Variants in FOXP1 observed in about 807,000 individuals in gnomAD.
FOXP1 encodes the protein forkhead box protein P1.
FOXP1 carries 15 observed loss-of-function variants against 98.2 expected under a neutral mutation model. The ratio of observed to expected loss-of-function variants is 0.15; its 90% CI spans 0.10 to 0.24. FOXP1 has a LOEUF of 0.24. Ranked by LOEUF, FOXP1 falls within the 10% of genes least tolerant of loss-of-function variation. The probability of loss-of-function intolerance (pLI) is 1.00; values close to 1 mark genes in which losing one functional copy is unlikely to be tolerated. For synonymous variants in FOXP1, 371 were observed against 314.5 expected (o/e 1.18, Z -1.90); for missense variants, 633 against 848.5 (o/e 0.75, Z 3.15).
At chr3:71,477,524 T>C (rs1420588943) in intron 3 of FOXP1, among the ~76,000 whole-genome samples, 1 of 152,228 alleles carries the variant, frequency 6.6e-6, no homozygotes, top group African/African-American at 2.4e-5. Context: ...AAATTTTTGA[T>C]TCAAATAATT....
chr3:71,453,396 T>C (rs750104055), intron 3 of FOXP1, among the ~76,000 whole-genome samples: 4 of 152,180 alleles, frequency 2.6e-5, no homozygotes, highest in African/African-American at 4.8e-5. Flanking sequence ...AGCTGAATGA[T>C]ATATGCACAT....
chr3:71,252,190 G>GA (rs1457936809), intron 5 of FOXP1, among the ~76,000 whole-genome samples: 3 of 152,142 alleles, frequency 2.0e-5, no homozygotes, highest in African/African-American at 7.2e-5. Context: ...AACCATGTAG[G>GA]AAAGTGATGC....
chr3:70,960,600 G>A (rs374681717), intron 20 of FOXP1, among the ~76,000 whole-genome samples: 35 of 152,288 alleles, frequency 2.3e-4, no homozygotes, highest in African/African-American at 7.7e-4. Flanking sequence ...GGCTGCAGAA[G>A]GGAAGATTTT....
chr3:71,311,444 A>G (rs995572795), intron 4 of FOXP1, among the ~76,000 whole-genome samples: 2 of 152,232 alleles, frequency 1.3e-5, no homozygotes, highest in Non-Finnish European at 2.9e-5. Flanking sequence ...GGTGTTCAGT[A>G]AATACAGAAT....
chr3:71,411,515 G>T (rs1297594472), intron 3 of FOXP1, among the ~76,000 whole-genome samples: 1 of 152,054 alleles, frequency 6.6e-6, no homozygotes, highest in East Asian at 1.9e-4. Flanking sequence ...GTAGAGACAG[G>T]GTTTCACCGT....
At chr3:71,080,990 C>A (rs1338831983) in intron 7 of FOXP1, among the ~76,000 whole-genome samples, 1 of 152,186 alleles carries the variant, frequency 6.6e-6, no homozygotes, top group African/African-American at 2.4e-5. Context: ...CCCATTCTAC[C>A]AGCACTTTGT....
intron 2 of FOXP1, among the ~76,000 whole-genome samples, chr3:71,555,423 G>A (rs528112166): frequency 3.9e-5 from 6 of 152,296 alleles, no homozygotes; most frequent in African/African-American, 1.4e-4. Context: ...CACTACAAGA[G>A]AAGACCATGA....
intron 3 of FOXP1, among the ~76,000 whole-genome samples, chr3:71,428,392 T>C (rs1407454672): frequency 1.3e-5 from 2 of 152,270 alleles, no homozygotes; most frequent in African/African-American, 4.8e-5. Flanking sequence ...ACCAAATTAA[T>C]GGGAACAGTA....
At chr3:71,221,718 A>T (rs2065400186) in intron 5 of FOXP1, among the ~76,000 whole-genome samples, 1 of 152,182 alleles carries the variant, frequency 6.6e-6, no homozygotes, top group African/African-American at 2.4e-5. Flanking sequence ...TCTAGTTCCC[A>T]TCCTGCAACC....
At chr3:71,179,776 T>C (rs2062176478) in intron 6 of FOXP1, among the ~76,000 whole-genome samples, 1 of 152,256 alleles carries the variant, frequency 6.6e-6, no homozygotes, top group Admixed American at 6.5e-5. Context: ...AGTTGTTACC[T>C]CCATTAAACA....
intron 12 of FOXP1, among the ~76,000 whole-genome samples, chr3:71,004,743 T>C (rs973453316): frequency 5.3e-5 from 8 of 152,174 alleles, no homozygotes; most frequent in African/African-American, 1.9e-4. Flanking sequence ...TAAGCTTTAA[T>C]TTAAGATGAA....
chr3:71,425,388 A>C (rs1450848785), intron 3 of FOXP1, among the ~76,000 whole-genome samples: 1 of 152,146 alleles, frequency 6.6e-6, no homozygotes, highest in Non-Finnish European at 1.5e-5. Flanking sequence ...GGCCTCCCAA[A>C]GTGCTGGAAT....
At chr3:71,070,121 A>C (rs945553758) in intron 7 of FOXP1, among the ~76,000 whole-genome samples, 1 of 152,250 alleles carries the variant, frequency 6.6e-6, no homozygotes, top group African/African-American at 2.4e-5. Flanking sequence ...AAAGCCAGAC[A>C]GAGAAAGGAC....
intron 3 of FOXP1, among the ~76,000 whole-genome samples, chr3:71,422,334 G>T (rs1054041020): frequency 1.6e-4 from 24 of 152,160 alleles, no homozygotes; most frequent in African/African-American, 5.8e-4. Context: ...ATGTTCTAGT[G>T]CTCCTTAAAC....
At chr3:71,296,907 A>T (rs538993299) in intron 5 of FOXP1, among the ~76,000 whole-genome samples, 1 of 152,214 alleles carries the variant, frequency 6.6e-6, no homozygotes, top group Non-Finnish European at 1.5e-5. Context: ...GTCATGTGAC[A>T]TGCCTGTTCC....
intron 4 of FOXP1, among the ~76,000 whole-genome samples, chr3:71,315,712 G>A (rs899007759): frequency 5.3e-5 from 8 of 152,144 alleles, no homozygotes; most frequent in African/African-American, 1.9e-4. Context: ...GAAAAGCAAT[G>A]GCTACAGAAT....
At chr3:71,318,168 T>C (rs1295301588) in intron 4 of FOXP1, among the ~76,000 whole-genome samples, 2 of 151,844 alleles carry the variant, frequency 1.3e-5, no homozygotes, top group Non-Finnish European at 2.9e-5. Flanking sequence ...TTTTTTTTTT[T>C]TTTCCTTCTT....
In FOXP1 at chr3:71,498,098, A is replaced by T. The variant is rs193209199; in HGVS notation, c.-297-4543T>A. Among the ~76,000 whole-genome samples the T allele has an allele frequency of 4.2e-3, 644 of 152,188 alleles. 6 individuals are homozygous for T. Among genetic ancestry groups the T allele is most frequent in the African/African-American group, 0.015 (617 of 41,506 alleles). On this transcript the variant is annotated intron_variant, in intron 2 of 20. Transcript: ENST00000649528. ...CCAACGCTTTCCAAGTCCTGTGGCT[A>T]CTCCAAATGCCACAGTCTAGCCATG... is the stretch of plus-strand genomic sequence containing the variant.
intron 5 of FOXP1, among the ~76,000 whole-genome samples, chr3:71,210,392 A>T (rs955980013): frequency 1.3e-5 from 2 of 152,206 alleles, no homozygotes; most frequent in Non-Finnish European, 2.9e-5. Context: ...CCAAATCAAC[A>T]TAGTCCCTGA....
Sources: allele counts gnomAD v4.1 joint callset (sites outside exome capture counted in the v4.1 genomes callset), GRCh38; gene constraint gnomAD v4.1.1; transcripts MANE v1.5; gene names NCBI Gene and HGNC (gene_info 2026-07-23, HGNC 2026-07-21).